Variants in SNRPN observed in about 807,000 individuals in gnomAD.
SNRPN encodes the protein small nuclear ribonucleoprotein-associated protein N.
SNRPN carries 7 observed loss-of-function variants against 25.2 expected under a neutral mutation model. The ratio of observed to expected loss-of-function variants is 0.28; its 90% CI spans 0.16 to 0.52. The LOEUF is 0.52. Among genes scored for constraint, SNRPN ranks in the 20% least tolerant of loss-of-function variants. The probability of loss-of-function intolerance (pLI) is 0.96; values close to 1 mark genes in which losing one functional copy is unlikely to be tolerated. For missense variants in SNRPN, 196 were observed against 322.5 expected (o/e 0.61, Z 3.00); for synonymous variants, 124 against 110.6 (o/e 1.12, Z -0.76).
chr15:24,833,885 G>T (rs2050773075), intron 2 of SNRPN, among the ~76,000 whole-genome samples: 1 of 151,984 alleles, frequency 6.6e-6, no homozygotes, highest in Non-Finnish European at 1.5e-5. Context: ...CTGGTTACTT[G>T]ATGAGATCCC....
chr15:24,827,376 G>A (rs2050175671), intron 1 of SNRPN, among the ~76,000 whole-genome samples: 1 of 151,670 alleles, frequency 6.6e-6, no homozygotes, highest in African/African-American at 2.4e-5. Flanking sequence ...TTAGTCGGGT[G>A]CGGTGGCGGG....
intron 2 of SNRPN, chr15:24,851,374 A>G (rs1874094739): frequency 6.6e-6 from 1 of 152,238 alleles, no homozygotes; most frequent in East Asian, 1.9e-4. Context: ...CTGAAATGGA[A>G]TGGACAAGGA....
intron 2 of SNRPN, chr15:24,911,104 G>A: frequency 7.4e-7 from 1 of 1,359,942 alleles, no homozygotes; most frequent in Non-Finnish European, 9.9e-7. Context: ...GAGGGATGAA[G>A]GAGATCCTTT....
chr15:24,978,425 T>A lies in SNRPN; in HGVS notation c.704T>A (p.Met235Lys), dbSNP rs1213965586. The change falls in exon 10 of 10, where the codon ATG becomes AAG. Residue 235 changes from methionine to lysine, a missense_variant. Physicochemically the swap from Met to Lys is moderately conservative, Grantham distance 95 (BLOSUM62 -1). Coordinates refer to ENST00000390687, the MANE Select transcript of SNRPN (RefSeq NM_003097.6). ...PGIRGPPPPGMRPPRP is the reference protein window; with the variant it reads ...PGIRGPPPPGKRPPRP The stretch of plus-strand genomic sequence containing the variant: ...TTTCCAGGTCCACCTCCCCCAGGAA[T>A]GCGTCCACCAAGACCTTAGCATACT... The A allele has an allele frequency of 6.2e-7, 1 of 1,613,928 alleles. No homozygotes were observed. The highest frequency in any genetic ancestry group is 8.5e-7 in the Non-Finnish European group (1 of 1,179,984).
intron 2 of SNRPN, among the ~76,000 whole-genome samples, chr15:24,898,577 ATCTG>A (rs1482334048): frequency 4.7e-5 from 7 of 149,968 alleles, no homozygotes; most frequent in Non-Finnish European, 8.9e-5. Flanking sequence ...ACAGAGTGAG[ATCTG>A]TCTAAAAAAA....
intron 2 of SNRPN, among the ~76,000 whole-genome samples, chr15:24,918,808 CAA>C (rs1370582152): frequency 1.2e-5 from 1 of 83,014 alleles, no homozygotes; most frequent in Non-Finnish European, 2.3e-5. Context: ...ATATATATAA[CAA>C]TATATATATG....
intron 3 of SNRPN, among the ~76,000 whole-genome samples, chr15:24,940,841 A>G (rs756802472): frequency 6.6e-6 from 1 of 152,160 alleles, no homozygotes; most frequent in Admixed American, 6.6e-5. Context: ...ATGATGGTAC[A>G]GTCTTGCAAG....
At chr15:24,891,399 TATA>T (rs1377295723) in intron 2 of SNRPN, among the ~76,000 whole-genome samples, 1 of 152,106 alleles carries the variant, frequency 6.6e-6, no homozygotes, top group Admixed American at 6.6e-5. Context: ...TAAGGAACTT[TATA>T]AATTAATTTG....
At chr15:24,825,775 C>T (rs2050037864) in intron 1 of SNRPN, among the ~76,000 whole-genome samples, 1 of 151,992 alleles carries the variant, frequency 6.6e-6, no homozygotes. Context: ...TTGAATACTG[C>T]AATGAAAATG....
chr15:24,858,934 G>T (rs1442029229), intron 1 of SNRPN, among the ~76,000 whole-genome samples: 1 of 151,914 alleles, frequency 6.6e-6, no homozygotes, highest in Admixed American at 6.6e-5. Context: ...ACAGTAGCAG[G>T]CTTATCAGTA....
chr15:24,895,870 C>G (rs2058054331), intron 2 of SNRPN, among the ~76,000 whole-genome samples: 2 of 152,148 alleles, frequency 1.3e-5, no homozygotes, highest in Admixed American at 6.6e-5. Context: ...GTTTGCAGAA[C>G]ACCACATAGT....
chr15:24,909,777 G>C, intron 2 of SNRPN: 1 of 1,300,758 alleles, frequency 7.7e-7, no homozygotes, highest in Non-Finnish European at 1.1e-6. Context: ...AATTTCACTT[G>C]GTATCTCTTA....
upstream of SNRPN, among the ~76,000 whole-genome samples, chr15:24,854,529 C>T (rs1321266117): frequency 6.6e-6 from 1 of 152,202 alleles, no homozygotes; most frequent in Non-Finnish European, 1.5e-5. Context: ...CAGTGTACAA[C>T]TTTAACTCTG....
intron 3 of SNRPN, among the ~76,000 whole-genome samples, chr15:24,928,102 TG>T (rs1213430772): frequency 6.6e-6 from 1 of 152,200 alleles, no homozygotes; most frequent in Non-Finnish European, 1.5e-5. Context: ...AGGATGCAGA[TG>T]ACAGGGAACT....
At chr15:24,941,084 C>T (rs952579932) in intron 3 of SNRPN, among the ~76,000 whole-genome samples, 1 of 152,226 alleles carries the variant, frequency 6.6e-6, no homozygotes. Context: ...TCAAGCGACT[C>T]TCCTACCTCA....
intron 1 of SNRPN, among the ~76,000 whole-genome samples, chr15:24,885,716 CTG>C (rs58691279): frequency 0.04 from 5,662 of 141,588 alleles, 257 homozygotes; most frequent in African/African-American, 0.12. Context: ...GAATCTGGGG[CTG>C]TGTGTGTGTG....
Position 24,901,161 on chromosome 15 carries a change from A to C in SNRPN, c.-505+14572A>C, listed in dbSNP as rs567217160. 4.6e-5 allele frequency among the ~76,000 whole-genome samples: 7 copies of C among 152,280 alleles called. No homozygotes were observed. In the East Asian group the frequency reaches 1.4e-3, roughly 29 times the overall value. On this transcript the variant is annotated intron_variant, in intron 2 of 11. Coordinates refer to the SNRPN transcript ENST00000400097. ...GTAGAGATCTTTCATCTCCTTGGTT[A>C]GATGTATTCCTTGGTATTGCCGTCT... is the stretch of plus-strand genomic sequence containing the variant.
intron 2 of SNRPN, among the ~76,000 whole-genome samples, chr15:24,914,135 A>G (rs1049624447): frequency 6.6e-6 from 1 of 152,112 alleles, no homozygotes; most frequent in Non-Finnish European, 1.5e-5. Flanking sequence ...TCGCAACTCT[A>G]TATCTTGCTT....
intron 3 of SNRPN, among the ~76,000 whole-genome samples, chr15:24,930,742 A>T (rs906679689): frequency 3.3e-5 from 5 of 152,114 alleles, no homozygotes; most frequent in East Asian, 1.9e-4. Context: ...TCTACTAAAA[A>T]TAAAAAATTA....
Sources: allele counts gnomAD v4.1 joint callset (sites outside exome capture counted in the v4.1 genomes callset), GRCh38; gene constraint gnomAD v4.1.1; transcripts MANE v1.5; gene names NCBI Gene and HGNC (gene_info 2026-07-23, HGNC 2026-07-21).